The following ASB11 variants were observed in gnomAD, a reference collection of about 807,000 sequenced individuals.
ASB11 encodes ankyrin repeat and SOCS box protein 11.
In ASB11, 17 loss-of-function variants were observed where a neutral mutation model predicts 20.1. That is an observed-to-expected ratio of 0.85 (90% CI 0.58 to 1.27). ASB11 has a LOEUF of 1.27. ASB11 is among the 50% of genes most tolerant of loss of function. The pLI is 0.00. For missense variants in ASB11, 259 were observed against 256.9 expected (o/e 1.01, Z -0.06); for synonymous variants, 107 against 105.6 (o/e 1.01, Z -0.08).
intron 2 of ASB11, among the ~76,000 whole-genome samples, chrX:15,300,979 T>C (rs1921045564): frequency 9.0e-6 from 1 of 111,614 alleles, no homozygotes; most frequent in Admixed American, 9.6e-5. Context: ...TTTATTTTAT[T>C]GAGACAGAGT....
Position 15,283,621 on chromosome X carries a change from C to T in ASB11, c.856G>A (p.Ala286Thr), listed in dbSNP as rs1310654495. 2.5e-6 allele frequency: 3 copies of T among 1,206,616 alleles called. No individual in the cohort carries two copies. The African/African-American group carries it at 5.3e-5, about 21-fold the overall frequency. Residue 286 changes from alanine (A) to threonine (T), a missense_variant, in exon 7 of 7, where the codon GCT (alanine) becomes ACT (threonine). Coordinates refer to ENST00000480796, the MANE Select transcript of ASB11 (RefSeq NM_080873.3). ...QALLLREGPP[A>T]LSQLCRLCVR... ...CACAGGCGGCAGAGCTGGGAAAGAGCAGGTGGGCCTGAGAGAGAAATAAAA... is the reference window on the plus strand; with the variant it reads ...CACAGGCGGCAGAGCTGGGAAAGAGTAGGTGGGCCTGAGAGAGAAATAAAA...
At chrX:15,297,032 G>A (rs1030178948) in intron 3 of ASB11, among the ~76,000 whole-genome samples, 2 of 112,594 alleles carry the variant, frequency 1.8e-5, no homozygotes, top group Admixed American at 9.4e-5. Context: ...GGTGGCTCAC[G>A]CCTGTAATCC....
At chrX:15,301,508 CACAG>C (rs1251937620) in intron 2 of ASB11, among the ~76,000 whole-genome samples, 3 of 110,547 alleles carry the variant, frequency 2.7e-5, no homozygotes, top group Admixed American at 1.9e-4. Context: ...CACATGCACA[CACAG>C]ACAGAGAGAG....
intron 4 of ASB11, among the ~76,000 whole-genome samples, chrX:15,290,705 T>A (rs1351073336): frequency 8.9e-6 from 1 of 112,310 alleles, no homozygotes; most frequent in Non-Finnish European, 1.9e-5. Context: ...TCATTACTAA[T>A]TAATTTAGCC....
At chrX:15,297,422 AGAG>A (rs1920977404) in intron 3 of ASB11, 149 bp downstream of exon 3, 1 of 380,970 alleles carries the variant, frequency 2.6e-6, no homozygotes, top group Non-Finnish European at 4.5e-6. Flanking sequence ...AGTTGAAGAG[AGAG>A]GAGTAGCCTA....
At chrX:15,312,168 G>A (rs1271411824) in intron 1 of ASB11, among the ~76,000 whole-genome samples, 1 of 110,201 alleles carries the variant, frequency 9.1e-6, no homozygotes, top group African/African-American at 3.3e-5. Flanking sequence ...GTGGGATCCA[G>A]TGATCCATCT....
At chrX:15,298,499 C>T (rs973640125) in intron 2 of ASB11, among the ~76,000 whole-genome samples, 6 of 111,176 alleles carry the variant, frequency 5.4e-5, no homozygotes, top group Non-Finnish European at 1.1e-4. Context: ...ACAAGGAGGG[C>T]ATGTCTTAGA....
chrX:15,296,545 A>C (rs374507690), intron 3 of ASB11, among the ~76,000 whole-genome samples: 6 of 111,996 alleles, frequency 5.4e-5, no homozygotes, highest in Admixed American at 9.5e-5. Flanking sequence ...TGATATCTGT[A>C]TTATATATTG....
At chrX:15,291,017 T>A (rs1162866140) in intron 4 of ASB11, among the ~76,000 whole-genome samples, 1 of 111,921 alleles carries the variant, frequency 8.9e-6, no homozygotes, top group African/African-American at 3.2e-5. Flanking sequence ...TATTTTTGAA[T>A]AATTCTTGTC....
At position 15,283,321 on chromosome X, in the gene ASB11, T is replaced by G; in HGVS notation, c.*184A>C. The G allele has an allele frequency of 8.2e-5, 42 of 515,168 alleles. No homozygotes were observed. The highest frequency in any genetic ancestry group is 1.1e-4 in the Non-Finnish European group (36 of 329,977). The allele number at this position is 515,168 out of a possible 1,213,427, so 42.5% of individuals were successfully genotyped here. On this transcript the variant is annotated 3_prime_UTR_variant, in exon 7 of 7. Coordinates refer to ENST00000480796, the MANE Select transcript of ASB11 (RefSeq NM_080873.3). Reference sequence around the variant, plus strand: ...TGGTTTCTACTTGCCCCTTGGTTAATGAGAACATTAAACTAACCAGGAGTT... The same window carrying G: ...TGGTTTCTACTTGCCCCTTGGTTAAGGAGAACATTAAACTAACCAGGAGTT...
intron 6 of ASB11, among the ~76,000 whole-genome samples, chrX:15,287,569 C>G (rs191005294): frequency 1.8e-5 from 2 of 112,833 alleles, no homozygotes; most frequent in Non-Finnish European, 3.7e-5. Flanking sequence ...TTGTGATCCA[C>G]CCGCCTCAGC....
chrX:15,283,396 C>T lies in ASB11; in HGVS notation c.*109G>A. On this transcript the variant is annotated 3_prime_UTR_variant, in exon 7 of 7. Transcript: ENST00000480796. ...ATGGGGGATTTACTTCGACTGAGCT[C>T]ATTTAAAGATACTAGGAGTCTAAGC... The T allele has an allele frequency of 4.9e-6, 5 of 1,028,684 alleles. No individual in the cohort carries two copies. The South Asian group carries it at 8.2e-5, about 17-fold the overall frequency. 84.8% of individuals were successfully genotyped at this position (1,028,684 alleles called of 1,213,427 possible).
At position 15,282,051 on chromosome X, in the gene ASB11, T is replaced by A. The variant is rs1037844470; in HGVS notation, c.*1454A>T. On this transcript the variant is annotated 3_prime_UTR_variant, in exon 7 of 7. Coordinates refer to ENST00000480796, the MANE Select transcript of ASB11 (RefSeq NM_080873.3). Reference sequence around the variant, plus strand: ...GTGCACTGTAGGGTGATTAGCTGCATCCCTGATCTCCACCGTCTAGATGAT... The same window carrying A: ...GTGCACTGTAGGGTGATTAGCTGCAACCCTGATCTCCACCGTCTAGATGAT... 3 of 111,224 alleles carry A rather than the reference T, an allele frequency of 2.7e-5. No individual in the cohort carries two copies. The East Asian group carries it at 8.4e-4, about 31-fold the overall frequency. 9.2% of individuals were successfully genotyped at this position (111,224 alleles called of 1,213,427 possible). A position where few individuals can be genotyped will look rare whatever the true frequency, so the allele number is the denominator to read the frequency against.
At chrX:15,309,164 G>C (rs1176005610) in intron 1 of ASB11, among the ~76,000 whole-genome samples, 5 of 110,785 alleles carry the variant, frequency 4.5e-5, no homozygotes, top group Non-Finnish European at 9.4e-5. Context: ...TGATCCACTT[G>C]CCTCGGCCTC....
At chrX:15,310,671 G>A in intron 1 of ASB11, among the ~76,000 whole-genome samples, 1 of 112,601 alleles carries the variant, frequency 8.9e-6, no homozygotes, top group East Asian at 2.8e-4. Flanking sequence ...AAGTATTTCA[G>A]ATTACTGTTT....
chrX:15,310,964 G>A (rs1921413586), intron 1 of ASB11, among the ~76,000 whole-genome samples: 1 of 111,935 alleles, frequency 8.9e-6, no homozygotes, highest in Non-Finnish European at 1.9e-5. Flanking sequence ...TCCAGCTTGG[G>A]CAATAAGAGC....
At chrX:15,307,286 G>C (rs1171270017) in intron 1 of ASB11, among the ~76,000 whole-genome samples, 2 of 111,824 alleles carry the variant, frequency 1.8e-5, no homozygotes, top group South Asian at 3.7e-4. Context: ...AGACACAAAA[G>C]AACATGTACC....
At chrX:15,293,586 C>T (rs757595068) in intron 3 of ASB11, among the ~76,000 whole-genome samples, 5 of 111,503 alleles carry the variant, frequency 4.5e-5, no homozygotes, top group Non-Finnish European at 5.6e-5. Context: ...TTTCCATTTT[C>T]CATTAATATG....
chrX:15,313,073 C>T (rs776167931), intron 1 of ASB11, among the ~76,000 whole-genome samples: 34 of 111,397 alleles, frequency 3.1e-4, no homozygotes, highest in Non-Finnish European at 5.3e-4. Context: ...AATACTGGTC[C>T]AGGCATGTTA....
Sources: allele counts gnomAD v4.1 joint callset (sites outside exome capture counted in the v4.1 genomes callset), GRCh38; gene constraint gnomAD v4.1.1; transcripts MANE v1.5; gene names NCBI Gene and HGNC (gene_info 2026-07-23, HGNC 2026-07-21).